The following ZFC3H1 variants were observed in gnomAD, a reference collection of about 807,000 sequenced individuals.
ZFC3H1 encodes the protein zinc finger C3H1 domain-containing protein.
Under a neutral mutation model 243.7 loss-of-function variants are expected in ZFC3H1, and 71 were observed. The observed-to-expected ratio is 0.29, with a 90% CI of 0.24 to 0.36. ZFC3H1 has a LOEUF of 0.36. ZFC3H1 is among the 10% of genes least tolerant of loss of function. ZFC3H1 has a pLI of 1.00. For synonymous variants in ZFC3H1, 838 were observed against 813.0 expected, an observed-to-expected ratio of 1.03 and a Z score of -0.52; for missense variants, 1,966 against 2,317.1, an observed-to-expected ratio of 0.85 and a Z score of 3.11.
rs758497734 is a variant in ZFC3H1, at chr12:71,610,232, G to T, written c.*196C>A. The T allele has an allele frequency of 1.8e-6, 1 of 563,404 alleles. No individual in the cohort carries two copies. Among genetic ancestry groups the T allele is most frequent in the Non-Finnish European group, 3.0e-6 (1 of 338,110 alleles). 34.9% of individuals were successfully genotyped at this position (563,404 alleles called of 1,614,324 possible). On this transcript the variant is annotated 3_prime_UTR_variant, in exon 35 of 35. Transcript: ENST00000378743. Reference sequence around the variant, plus strand: ...GGCCTAGAAGCAGGCCAAACAGGAAGTTCATTTATCCAACCGAAGAGGATC... The same window carrying T: ...GGCCTAGAAGCAGGCCAAACAGGAATTTCATTTATCCAACCGAAGAGGATC...
At chr12:71,634,440 C>T in intron 11 of ZFC3H1, 136 bp from the exon 12 acceptor site, 2 of 1,139,370 alleles carry the variant, frequency 1.8e-6, no homozygotes, top group Non-Finnish European at 2.4e-6. Flanking sequence ...TATGCAAGAC[C>T]CAAGTCAGCA....
chr12:71,644,761 TA>T, intron 4 of ZFC3H1, 115 bp downstream of exon 4: 1 of 1,201,798 alleles, frequency 8.3e-7, no homozygotes, highest in Non-Finnish European at 1.1e-6. Flanking sequence ...GAGGTTGCAG[TA>T]AGCAAAGATC....
intron 3 of ZFC3H1, among the ~76,000 whole-genome samples, chr12:71,645,742 A>T (rs1880713338): frequency 6.6e-6 from 1 of 152,372 alleles, no homozygotes; most frequent in Middle Eastern, 3.4e-3. Context: ...TAATGTTAAA[A>T]GCAGATGTCT....
At chr12:71,641,288 A>G (rs1880596873) in intron 6 of ZFC3H1, among the ~76,000 whole-genome samples, 2 of 152,236 alleles carry the variant, frequency 1.3e-5, no homozygotes, top group African/African-American at 4.8e-5. Flanking sequence ...TAAGACTATC[A>G]AACACCAGCT....
intron 30 of ZFC3H1, among the ~76,000 whole-genome samples, chr12:71,614,176 T>C (rs1259615659): frequency 2.6e-5 from 4 of 152,160 alleles, no homozygotes; most frequent in Non-Finnish European, 4.4e-5. Flanking sequence ...TACTAAATTT[T>C]TCATTCAGTA....
intron 4 of ZFC3H1, among the ~76,000 whole-genome samples, 194 bp downstream of exon 4, chr12:71,644,683 T>C (rs1371515788): frequency 6.6e-6 from 1 of 152,056 alleles, no homozygotes; most frequent in Non-Finnish European, 1.5e-5. Flanking sequence ...CCAGGCGTGG[T>C]GGTGGGCGCC....
chr12:71,642,537 C>T lies in ZFC3H1; in HGVS notation c.1526G>A (p.Arg509Gln), dbSNP rs201623937. Residue 509 changes from arginine (R) to glutamine (Q), a missense_variant, in exon 6 of 35, where the codon CGA becomes CAA. Physicochemically the swap from Arg to Gln is conservative, Grantham distance 43. This residue lies in a region of ZFC3H1 where 1,383 missense variants were observed against 1,723.7 expected (regional missense o/e 0.80). Coordinates refer to ENST00000378743, the MANE Select transcript of ZFC3H1 (RefSeq NM_144982.5). Reference sequence around the variant, plus strand: ...ATCAGTAGGTTGCTTATCTAAGGATCGCCTCAGGTCAGGATCTGAAGACTA... The same window carrying T: ...ATCAGTAGGTTGCTTATCTAAGGATTGCCTCAGGTCAGGATCTGAAGACTA... ...RSKSSDPDLR[R>Q]SLDKQPTDSG... 961 of 1,612,284 alleles carry T rather than the reference C, an allele frequency of 6.0e-4. 1 individual carries two copies. The highest frequency in any genetic ancestry group is 6.0e-4 in the Non-Finnish European group (704 of 1,179,322).
At position 71,626,237 on chromosome 12, in the gene ZFC3H1, CGTACGTTATCTTTTCT is replaced by C. The variant is rs762975883; in HGVS notation, c.4317+7_4317+22del. 1.2e-6 allele frequency: 2 copies of C among 1,609,020 alleles called. No homozygotes were observed. Among genetic ancestry groups the C allele is most frequent in the Admixed American group, 1.7e-5 (1 of 59,636 alleles). ...ACACACACACACACACACACACACA[CGTACGTTATCTTTTCT>C]ACTCACAGTCCAAAAGCTTTGATAA... On this transcript the variant is annotated splice_region_variant and intron_variant, in intron 22 of 34. Transcript: ENST00000378743.
chr12:71,620,195 G>C lies in ZFC3H1; in HGVS notation c.4850+15C>G. The C allele has an allele frequency of 6.2e-7, 1 of 1,613,900 alleles. No homozygotes were observed. The highest frequency in any genetic ancestry group is 8.5e-7 in the Non-Finnish European group (1 of 1,179,894). ...TTTTTAATATAAGGTTAGCTGCTTG[G>C]CAATTAAGTTGTACCTCTCCAGGAG... On this transcript the variant is annotated intron_variant, in intron 25 of 34. Coordinates refer to ENST00000378743, the MANE Select transcript of ZFC3H1 (RefSeq NM_144982.5).
chr12:71,643,033 ATGT>A (rs1880637339), intron 5 of ZFC3H1, among the ~76,000 whole-genome samples: 1 of 152,216 alleles, frequency 6.6e-6, no homozygotes, highest in African/African-American at 2.4e-5. Context: ...TATCTATTGT[ATGT>A]TGTTTTCTTG....
chr12:71,654,542 A>G (rs1880969166), intron 2 of ZFC3H1, among the ~76,000 whole-genome samples: 1 of 152,228 alleles, frequency 6.6e-6, no homozygotes. Flanking sequence ...AGCTAAGCAA[A>G]TATCATTCTT....
intron 27 of ZFC3H1, among the ~76,000 whole-genome samples, chr12:71,616,957 C>T (rs371262058): frequency 3.9e-5 from 6 of 152,082 alleles, no homozygotes; most frequent in Admixed American, 6.5e-5. Flanking sequence ...AAATGAAATC[C>T]CCAAATTAAT....
At position 71,632,273 on chromosome 12, in the gene ZFC3H1, T is replaced by C; in HGVS notation, c.3059A>G (p.Asp1020Gly). ...PQPSLHDLTQ[D>G]KLTLDTEEND... ...TTCTTCAGTGTCCAGGGTTAATTTA[T>C]CTTGTGTCAGATCATGAAGTGAGGG... The change falls in exon 15 of 35, where the codon GAT becomes GGT. Residue 1020 changes from aspartate to glycine, a missense_variant. By Grantham distance (94) the Asp-to-Gly change is moderately conservative. Coordinates refer to ENST00000378743, the MANE Select transcript of ZFC3H1 (RefSeq NM_144982.5). The C allele has an allele frequency of 6.2e-7, 1 of 1,613,920 alleles. No homozygotes were observed. Among genetic ancestry groups the C allele is most frequent in the Non-Finnish European group, 8.5e-7 (1 of 1,179,876 alleles).
At chr12:71,611,370 CA>C (rs932829090) in intron 32 of ZFC3H1, 447 of 225,026 alleles carry the variant, frequency 2.0e-3, no homozygotes, top group Middle Eastern at 5.4e-3. Flanking sequence ...ACAACAACAA[CA>C]AAAAAAAAAC....
At chr12:71,627,126 T>TAA (rs35254500) in intron 21 of ZFC3H1, among the ~76,000 whole-genome samples, 1 of 147,550 alleles carries the variant, frequency 6.8e-6, no homozygotes, top group Admixed American at 6.7e-5. Flanking sequence ...AAGAAACGTG[T>TAA]AAAAAAAAAA....
At chr12:71,610,837 G>C in intron 33 of ZFC3H1, 80 bp from the exon 34 acceptor site, 1 of 1,486,258 alleles carries the variant, frequency 6.7e-7, no homozygotes, top group South Asian at 1.2e-5. Flanking sequence ...TTAAAGAATG[G>C]TAATTCACAA....
In ZFC3H1 at chr12:71,630,965, G is replaced by A. The variant is rs770826455; in HGVS notation, c.3471-11C>T. The A allele has an allele frequency of 1.4e-5, 22 of 1,599,560 alleles. No individual in the cohort carries two copies. The highest frequency in any genetic ancestry group is 1.9e-5 in the Non-Finnish European group (22 of 1,170,424). On this transcript the variant is annotated splice_polypyrimidine_tract_variant and intron_variant, in intron 16 of 34. Transcript: ENST00000378743. ...TAATATGGACTAAATCTAAGGTGAA[G>A]AGAGTGAACAGGTATATTATGCCCA...
intron 27 of ZFC3H1, 78 bp from the exon 28 acceptor site, chr12:71,615,394 T>C: frequency 2.2e-6 from 2 of 914,026 alleles, no homozygotes; most frequent in Non-Finnish European, 3.4e-6. Flanking sequence ...TTAAAATCGT[T>C]AGTTTCACTT....
At chr12:71,623,291 T>C (rs1880078314) in intron 24 of ZFC3H1, 69 bp downstream of exon 24, 2 of 1,241,952 alleles carry the variant, frequency 1.6e-6, no homozygotes, top group Non-Finnish European at 1.1e-6. Flanking sequence ...ATCACAATAA[T>C]GGGTAGTTAA....
Sources: allele counts gnomAD v4.1 joint callset (sites outside exome capture counted in the v4.1 genomes callset), GRCh38; gene constraint gnomAD v4.1.1; regional missense constraint gnomAD v4.1.1; transcripts MANE v1.5; gene names NCBI Gene and HGNC (gene_info 2026-07-23, HGNC 2026-07-21).